LIMK1: variants seen among roughly 807,000 people sequenced by gnomAD.
LIMK1 encodes the protein LIM domain kinase 1, also known as LIM motif-containing protein kinase.
Under a neutral mutation model 77.6 loss-of-function variants are expected in LIMK1, and 21 were observed. The observed-to-expected ratio is 0.27, with a 90% CI of 0.19 to 0.39. The LOEUF is 0.39. Ranked by LOEUF, LIMK1 falls within the 10% of genes least tolerant of loss-of-function variation. The probability of loss-of-function intolerance (pLI) is 1.00; values close to 1 mark genes in which losing one functional copy is unlikely to be tolerated. For missense variants in LIMK1, 696 were observed against 901.6 expected, an observed-to-expected ratio of 0.77 and a Z score of 2.92; for synonymous variants, 358 against 370.0, an observed-to-expected ratio of 0.97 and a Z score of 0.37.
At chr7:74,114,788 G>A (rs995172151) in intron 12 of LIMK1, among the ~76,000 whole-genome samples, 2 of 151,504 alleles carry the variant, frequency 1.3e-5, no homozygotes, top group African/African-American at 2.4e-5. Context: ...GGTGGCAGGC[G>A]CCTGTAGTCC....
At chr7:74,092,766 C>A (rs1563912613) in intron 2 of LIMK1, among the ~76,000 whole-genome samples, 1 of 152,210 alleles carries the variant, frequency 6.6e-6, no homozygotes, top group Non-Finnish European at 1.5e-5. Context: ...CGGCGGGATG[C>A]AACCTCCCTT....
intron 13 of LIMK1, among the ~76,000 whole-genome samples, chr7:74,120,073 C>G (rs1200292097): frequency 2.0e-5 from 3 of 152,146 alleles, no homozygotes; most frequent in Non-Finnish European, 2.9e-5. Context: ...CCGCATCACT[C>G]CAGTCTCCAC....
intron 13 of LIMK1, among the ~76,000 whole-genome samples, chr7:74,119,262 T>G (rs979357187): frequency 6.6e-6 from 1 of 151,138 alleles, no homozygotes; most frequent in African/African-American, 2.4e-5. Flanking sequence ...CACTGCAACC[T>G]CCACCTCCTG....
At chr7:74,109,244 T>C in intron 10 of LIMK1, 1 of 517,080 alleles carries the variant, frequency 1.9e-6, no homozygotes, top group South Asian at 1.9e-5. Flanking sequence ...CCTGTTATTC[T>C]GGCACTTTGG....
In LIMK1 at chr7:74,111,698, A is replaced by G. The variant is rs990603455; in HGVS notation, c.1335A>G (p.Ala445=). 6.2e-7 allele frequency: 1 copy of G among 1,613,068 alleles called. No individual in the cohort carries two copies. The highest frequency in any genetic ancestry group is 1.3e-5 in the African/African-American group (1 of 75,016). Residue 445 remains alanine, a synonymous_variant, in exon 11 of 16, where the codon GCA becomes GCG. Coordinates refer to ENST00000336180, the MANE Select transcript of LIMK1 (RefSeq NM_002314.4). ...GAGTGAGCTTTGCCAAGGACATCGC[A>G]TCAGGGATGGTGAGTGAGCCGGGTG... ...SQRVSFAKDI[A]SGMAYLHSMN...
At chr7:74,095,349 C>T (rs545078409) in intron 2 of LIMK1, among the ~76,000 whole-genome samples, 1 of 152,210 alleles carries the variant, frequency 6.6e-6, no homozygotes, top group Non-Finnish European at 1.5e-5. Flanking sequence ...CATGCCCCCC[C>T]ACAGCAGGAC....
At chr7:74,116,039 CT>C in intron 13 of LIMK1, 81 bp downstream of exon 13, 2 of 1,449,790 alleles carry the variant, frequency 1.4e-6, no homozygotes, top group Non-Finnish European at 1.9e-6. Flanking sequence ...TCCCAAGCCC[CT>C]GGCCCCTCCC....
intron 5 of LIMK1, among the ~76,000 whole-genome samples, chr7:74,101,859 C>G (rs569586222): frequency 4.2e-4 from 64 of 152,026 alleles, no homozygotes; most frequent in African/African-American, 1.5e-3. Flanking sequence ...GGGTCTTGCT[C>G]TGTCATACAG....
At chr7:74,101,032 C>T (rs1799449382) in intron 5 of LIMK1, among the ~76,000 whole-genome samples, 1 of 146,944 alleles carries the variant, frequency 6.8e-6, no homozygotes, top group Admixed American at 6.6e-5. Context: ...CCACCACGCC[C>T]GGCCCTACCA....
rs782103354 is a variant in LIMK1, at chr7:74,099,185, G to C, written c.555G>C (p.Pro185=). The C allele has an allele frequency of 3.7e-6, 6 of 1,611,454 alleles. No individual in the cohort carries two copies. In the African/African-American group the frequency reaches 4.0e-5, roughly 11 times the overall value. The change falls in exon 5 of 16, where the codon CCG becomes CCC. Residue 185 remains proline (P), a synonymous_variant. Transcript: ENST00000336180. The part of the protein sequence containing the change: ...KRGLSVSIDP[P]HGPPGCGTEH... The stretch of plus-strand genomic sequence containing the variant: ...GACTTTCAGTCTCCATTGACCCCCC[G>C]CACGGCCCACCGGGCTGTGGCACCG...
At chr7:74,090,983 G>T (rs145433079) in intron 2 of LIMK1, among the ~76,000 whole-genome samples, 1 of 151,950 alleles carries the variant, frequency 6.6e-6, no homozygotes, top group Non-Finnish European at 1.5e-5. Context: ...GCGCAATCTC[G>T]GCTTACTGCA....
At chr7:74,102,774 G>A (rs1254523752) in intron 5 of LIMK1, among the ~76,000 whole-genome samples, 1 of 151,502 alleles carries the variant, frequency 6.6e-6, no homozygotes, top group Non-Finnish European at 1.5e-5. Flanking sequence ...TCTCTATACT[G>A]AACTACTGAG....
chr7:74,085,446 C>T (rs1799117005), intron 1 of LIMK1, among the ~76,000 whole-genome samples: 1 of 152,222 alleles, frequency 6.6e-6, no homozygotes, highest in African/African-American at 2.4e-5. Flanking sequence ...TTCCTTTCTC[C>T]TCATTTACCT....
chr7:74,120,771 G>T, intron 14 of LIMK1, 121 bp from the exon 15 acceptor site: 5 of 1,534,988 alleles, frequency 3.3e-6, no homozygotes, highest in Non-Finnish European at 4.5e-6. Context: ...TGGCCCCCAT[G>T]GGGTACTGCA....
chr7:74,116,739 T>A (rs1430034999), intron 13 of LIMK1, among the ~76,000 whole-genome samples: 21 of 151,370 alleles, frequency 1.4e-4, no homozygotes, highest in African/African-American at 5.1e-4. Flanking sequence ...TCTCGCTCTG[T>A]TACTCAGGCT....
intron 2 of LIMK1, among the ~76,000 whole-genome samples, chr7:74,086,334 C>T (rs533925865): frequency 1.8e-4 from 27 of 151,994 alleles, no homozygotes; most frequent in African/African-American, 4.8e-4. Context: ...CATAAACCAC[C>T]GCTCCTGGCC....
chr7:74,104,874 T>C (rs1554697091), intron 5 of LIMK1, among the ~76,000 whole-genome samples: 1 of 152,136 alleles, frequency 6.6e-6, no homozygotes, highest in African/African-American at 2.4e-5. Flanking sequence ...AAGCCACTAA[T>C]CCGGGACCTT....
intron 2 of LIMK1, chr7:74,093,418 T>C: frequency 8.0e-7 from 1 of 1,247,928 alleles, no homozygotes; most frequent in Non-Finnish European, 1.1e-6. Flanking sequence ...TGAAACTCCT[T>C]GGTTACTGTC....
rs531898408 is a variant in LIMK1 at position 74,108,817 on chromosome 7, C to G, written c.1153-88C>G. On this transcript the variant is annotated intron_variant, in intron 9 of 15. Coordinates refer to ENST00000336180, the MANE Select transcript of LIMK1 (RefSeq NM_002314.4). ...TCCGTATCTTTGAGACCGCCTACAG[C>G]CCCTGGTGGGATGGAAAAGGGAGAA... 8 of 1,545,700 alleles carry G rather than the reference C, an allele frequency of 5.2e-6. 1 individual carries two copies. The South Asian group carries it at 9.9e-5, about 19-fold the overall frequency.
Sources: allele counts gnomAD v4.1 joint callset (sites outside exome capture counted in the v4.1 genomes callset), GRCh38; gene constraint gnomAD v4.1.1; transcripts MANE v1.5; gene names NCBI Gene and HGNC (gene_info 2026-07-23, HGNC 2026-07-21).